The following KCNG3 variants were observed in gnomAD, a reference collection of about 807,000 sequenced individuals.
KCNG3 encodes voltage-gated potassium channel regulatory subunit KCNG3.
A neutral mutation model predicts 29.0 loss-of-function variants in KCNG3; 15 were observed. The ratio of observed to expected loss-of-function variants is 0.52; its 90% CI spans 0.35 to 0.80. KCNG3 has a LOEUF of 0.80. Ranked by LOEUF, KCNG3 falls within the 30% of genes least tolerant of loss-of-function variation. The pLI is 0.01. For missense variants in KCNG3, 512 were observed against 605.7 expected (o/e 0.85, Z 1.62); for synonymous variants, 322 against 248.9 (o/e 1.29, Z -2.76).
intron 1 of KCNG3, among the ~76,000 whole-genome samples, chr2:42,478,233 T>A (rs1040200251): frequency 6.6e-6 from 1 of 152,244 alleles, no homozygotes; most frequent in East Asian, 1.9e-4. Context: ...TCATATTATA[T>A]ATTAAACTAG....
At chr2:42,426,053 C>G in the KCNG3 span, among the ~76,000 whole-genome samples, 1 of 152,144 alleles carries the variant, frequency 6.6e-6, no homozygotes, top group Non-Finnish European at 1.5e-5. Context: ...GTGCATACAA[C>G]ATACTTATAA....
the KCNG3 span, among the ~76,000 whole-genome samples, chr2:42,402,100 A>G: frequency 6.6e-6 from 1 of 152,202 alleles, no homozygotes; most frequent in Non-Finnish European, 1.5e-5. Flanking sequence ...GGCATCATCT[A>G]ATCTGCTGAG....
the KCNG3 span, among the ~76,000 whole-genome samples, chr2:42,418,228 T>C: frequency 1.3e-5 from 2 of 152,170 alleles, no homozygotes; most frequent in Admixed American, 6.5e-5. Context: ...ATGTCTTATT[T>C]CACATATTAC....
intron 1 of KCNG3, among the ~76,000 whole-genome samples, chr2:42,479,783 G>A (rs2103726359): frequency 6.6e-6 from 1 of 152,330 alleles, no homozygotes. Context: ...GGCCAAGGCG[G>A]GCAAATCACT....
At chr2:42,463,913 GT>G in intron 1 of KCNG3, 1 of 313,108 alleles carries the variant, frequency 3.2e-6, no homozygotes, top group Non-Finnish European at 6.4e-6. Context: ...TTCAAATCAA[GT>G]TTTATTAAGC....
At chr2:42,452,121 C>A (rs1283746024) in intron 1 of KCNG3, among the ~76,000 whole-genome samples, 1 of 150,458 alleles carries the variant, frequency 6.6e-6, no homozygotes. Context: ...TTTTAATTTT[C>A]ATGGGTACGT....
At chr2:42,438,494 T>C (rs1403825565), downstream of KCNG3, among the ~76,000 whole-genome samples, 1 of 152,222 alleles carries the variant, frequency 6.6e-6, no homozygotes, top group African/African-American at 2.4e-5. Flanking sequence ...CTCCCTTCAC[T>C]TTCATGTACT....
chr2:42,481,949 T>C (rs1479949700), intron 1 of KCNG3, among the ~76,000 whole-genome samples: 1 of 152,190 alleles, frequency 6.6e-6, no homozygotes, highest in Non-Finnish European at 1.5e-5. Flanking sequence ...TCTGGGTTTT[T>C]CTTGTTGTTG....
At chr2:42,425,025 T>G in the KCNG3 span, 3 of 152,120 alleles carry the variant, frequency 2.0e-5, no homozygotes, top group East Asian at 3.9e-4. Flanking sequence ...AGGGCCTCTG[T>G]CCTCAGGAAA....
At chr2:42,445,301 T>C (rs1672572189) in intron 1 of KCNG3, among the ~76,000 whole-genome samples, 1 of 152,158 alleles carries the variant, frequency 6.6e-6, no homozygotes, top group Admixed American at 6.6e-5. Flanking sequence ...TGGAAGGGCA[T>C]TATTCCTATA....
chr2:42,413,954 T>A, the KCNG3 span, among the ~76,000 whole-genome samples: 1 of 152,162 alleles, frequency 6.6e-6, no homozygotes, highest in Non-Finnish European at 1.5e-5. Context: ...CATATCAGTA[T>A]TTTTCCAGCA....
the KCNG3 span, among the ~76,000 whole-genome samples, chr2:42,400,188 G>A: frequency 6.6e-6 from 1 of 152,130 alleles, no homozygotes; most frequent in Non-Finnish European, 1.5e-5. Flanking sequence ...ACTTCAAGGA[G>A]CAAAGGGAAC....
chr2:42,452,249 T>A lies in KCNG3; in HGVS notation c.666-7670A>T, dbSNP rs1438828886. ...TATATATATATATATATATATTTTT[T>A]TTTTTTTTTTAAAGGAAACAGAATT... On this transcript the variant is annotated intron_variant, in intron 1 of 1. Transcript: ENST00000306078. Among the ~76,000 whole-genome samples, 724 of 93,166 alleles carry A rather than the reference T, an allele frequency of 7.8e-3. 3 individuals are homozygous for A. Among genetic ancestry groups the A allele is most frequent in the African/African-American group, 0.017 (500 of 30,070 alleles). 61.1% of individuals were successfully genotyped at this position (93,166 alleles called of 152,430 possible). A position where few individuals can be genotyped will look rare whatever the true frequency, so the allele number is the denominator to read the frequency against.
chr2:42,437,796 G>A (rs1404082899), downstream of KCNG3, among the ~76,000 whole-genome samples: 1 of 151,952 alleles, frequency 6.6e-6, no homozygotes, highest in African/African-American at 2.4e-5. Context: ...AAATTAGCAG[G>A]GCATGTTGGT....
At chr2:42,403,230 G>A in the KCNG3 span, among the ~76,000 whole-genome samples, 2 of 147,818 alleles carry the variant, frequency 1.4e-5, no homozygotes, top group African/African-American at 5.0e-5. Flanking sequence ...AGCCTCAACC[G>A]TCCCAGGCTC....
Position 42,443,355 on chromosome 2 carries a change from A to C in KCNG3, c.*579T>G, listed in dbSNP as rs757575423. On this transcript the variant is annotated 3_prime_UTR_variant, in exon 2 of 2. Coordinates refer to ENST00000306078, the MANE Select transcript of KCNG3 (RefSeq NM_133329.6). ...GAATAATTGGCACAAAAATAAAGCA[A>C]AGAATTGAGAAGTATGCTGGAAAAG... is the stretch of plus-strand genomic sequence containing the variant. 6.6e-6 allele frequency: 1 copy of C among 152,650 alleles called. No individual in the cohort carries two copies. Among genetic ancestry groups the C allele is most frequent in the Non-Finnish European group, 1.5e-5 (1 of 68,038 alleles). 9.5% of individuals were successfully genotyped at this position (152,650 alleles called of 1,614,324 possible).
chr2:42,484,087 A>G (rs1466309405), intron 1 of KCNG3, among the ~76,000 whole-genome samples: 1 of 152,178 alleles, frequency 6.6e-6, no homozygotes, highest in African/African-American at 2.4e-5. Context: ...CCTGGCATGA[A>G]AAGAGTTTCA....
At chr2:42,395,031 A>C in the KCNG3 span, among the ~76,000 whole-genome samples, 21 of 152,316 alleles carry the variant, frequency 1.4e-4, no homozygotes, top group African/African-American at 3.4e-4. Context: ...AATCTTTCTC[A>C]ACCAAAATGC....
intron 1 of KCNG3, among the ~76,000 whole-genome samples, chr2:42,478,816 C>A (rs565373524): frequency 1.3e-5 from 2 of 152,270 alleles, no homozygotes; most frequent in East Asian, 3.9e-4. Context: ...AACTCACTTC[C>A]TTTCTTAAAG....
Sources: gnomAD v4.1 joint callset for allele counts (sites outside exome capture counted in the v4.1 genomes callset) on GRCh38, gnomAD v4.1.1 for gene constraint, MANE v1.5 for transcripts, NCBI Gene and HGNC (gene_info 2026-07-23, HGNC 2026-07-21) for gene names.